Variants in PWWP3A observed in about 807,000 individuals in gnomAD.
The protein encoded by PWWP3A is PWWP domain containing 3A, DNA repair factor, also known as PWWP domain-containing DNA repair factor 3A.
Under a neutral mutation model 79.0 loss-of-function variants are expected in PWWP3A, and 53 were observed. That is an observed-to-expected ratio of 0.67 (90% confidence interval 0.54 to 0.84). The LOEUF is 0.84. Ranked by LOEUF, PWWP3A falls within the 40% of genes least tolerant of loss-of-function variation. PWWP3A has a pLI of 0.00. For synonymous variants in PWWP3A, 443 were observed against 394.4 expected (o/e 1.12, Z -1.46); for missense variants, 973 against 948.0 (o/e 1.03, Z -0.35).
At chr19:1,362,434 A>T in intron 6 of PWWP3A, 83 bp downstream of exon 6, 1 of 1,050,560 alleles carries the variant, frequency 9.5e-7, no homozygotes, top group Admixed American at 2.3e-5. Flanking sequence ...CGGGCCCCAC[A>T]TTCTCCATGA....
At chr19:1,358,266 C>G in intron 3 of PWWP3A, 128 bp from the exon 4 acceptor site, 2 of 819,186 alleles carry the variant, frequency 2.4e-6, no homozygotes, top group East Asian at 2.7e-5. Context: ...TTGGCTGTGA[C>G]TTTTGGTTTA....
rs2526137 is a variant in PWWP3A, at chr19:1,368,844, T to C, written c.1423-421T>C. 8.7e-6 allele frequency among the ~76,000 whole-genome samples: 1 copy of C among 115,364 alleles called. No individual in the cohort carries two copies. The highest frequency in any genetic ancestry group is 1.9e-5 in the Non-Finnish European group (1 of 53,222). 75.7% of individuals were successfully genotyped at this position (115,364 alleles called of 152,430 possible). A position where few individuals can be genotyped will look rare whatever the true frequency, so the allele number is the denominator to read the frequency against. The stretch of plus-strand genomic sequence containing the variant: ...CGATGCGTTCAGACCAGCCCAAGCC[T>C]TCGGGTCCCCGGTGCCCACCTGCGT... On this transcript the variant is annotated intron_variant, in intron 9 of 13. Coordinates refer to ENST00000591337, the MANE Select transcript of PWWP3A (RefSeq NM_001369789.1). The surrounding 1 kb of genome is among the most constrained non-coding windows in gnomAD (Gnocchi z 4.7).
In PWWP3A at chr19:1,360,324, T is replaced by G. The variant is rs1395470723; in HGVS notation, c.403T>G (p.Ser135Ala). The change falls in exon 5 of 14, where the codon TCC (serine) becomes GCC (alanine). Residue 135 changes from serine to alanine, a missense_variant. Physicochemically the swap from Ser to Ala is moderately conservative, Grantham distance 99 (BLOSUM62 1). Coordinates refer to ENST00000591337, the MANE Select transcript of PWWP3A (RefSeq NM_001369789.1). The surrounding 1 kb of genome is among the most constrained non-coding windows in gnomAD (Gnocchi z 4.4). Reference protein sequence around the residue: ...EHVSSPCDSNSSSLPRGDVLG... With the variant: ...EHVSSPCDSNASSLPRGDVLG... ...TGTCTCCTCGCCCTGTGATTCGAAC[T>G]CCTCATCTCTTCCCCGCGGAGACGT... The G allele has an allele frequency of 3.1e-6, 5 of 1,613,914 alleles. No homozygotes were observed. In the East Asian group the frequency reaches 1.1e-4, roughly 36 times the overall value.
At chr19:1,355,402 C>CTA (rs2081828804) in intron 1 of PWWP3A, among the ~76,000 whole-genome samples, 1 of 151,396 alleles carries the variant, frequency 6.6e-6, no homozygotes, top group East Asian at 2.0e-4. Flanking sequence ...GCCTGGACCC[C>CTA]TATCTCCTTC....
At chr19:1,366,826 C>T (rs1469784105) in intron 8 of PWWP3A, among the ~76,000 whole-genome samples, 1 of 152,246 alleles carries the variant, frequency 6.6e-6, no homozygotes, top group Non-Finnish European at 1.5e-5. Flanking sequence ...GCCTTTAGAA[C>T]CATCGCATTG....
chr19:1,372,726 C>T (rs1301551565), intron 12 of PWWP3A: 1 of 193,682 alleles, frequency 5.2e-6, no homozygotes, highest in Non-Finnish European at 1.1e-5. Flanking sequence ...CATTGCGCTC[C>T]AGCCTGGGCG....
intron 13 of PWWP3A, among the ~76,000 whole-genome samples, chr19:1,375,810 ATT>A (rs34880865): frequency 0.19 from 4,259 of 22,248 alleles, 154 homozygotes; most frequent in African/African-American, 0.31. Context: ...GTATTTATTT[ATT>A]TTTTTTTTTT....
intron 1 of PWWP3A, among the ~76,000 whole-genome samples, chr19:1,355,718 C>T (rs943971581): frequency 2.6e-5 from 4 of 151,830 alleles, no homozygotes; most frequent in Admixed American, 2.6e-4. Context: ...CTGGAAACGC[C>T]ACCCCTACCT....
At chr19:1,356,723 G>A (rs1470693764) in intron 2 of PWWP3A, among the ~76,000 whole-genome samples, 1 of 151,446 alleles carries the variant, frequency 6.6e-6, no homozygotes, top group East Asian at 1.9e-4. Flanking sequence ...GATCTGGCAA[G>A]CAGCCCTGTG....
chr19:1,362,315 G>C lies in PWWP3A; in HGVS notation c.1177G>C (p.Glu393Gln). 6.2e-7 allele frequency: 1 copy of C among 1,614,132 alleles called. No homozygotes were observed. The highest frequency in any genetic ancestry group is 8.5e-7 in the Non-Finnish European group (1 of 1,180,020). ...SMRSILEEDE[E>Q]DEEPPRVLLY... ...GCGTTCTATCCTGGAGGAAGACGAG[G>C]AAGACGAGGAGCCACCAAGAGTCCT... The change falls in exon 6 of 14, where the codon GAA (glutamate) becomes CAA (glutamine). Residue 393 changes from glutamate (E) to glutamine (Q), a missense_variant. Physicochemically the swap from Glu to Gln is conservative, Grantham distance 29. Transcript: ENST00000591337.
Position 1,369,272 on chromosome 19 carries a change from C to G in PWWP3A, c.1430C>G (p.Ala477Gly). 1 of 1,614,068 alleles carries G rather than the reference C, an allele frequency of 6.2e-7. No homozygotes were observed. The highest frequency in any genetic ancestry group is 8.5e-7 in the Non-Finnish European group (1 of 1,179,978). ...GCCCGGATCTCATTGTAGAATCAAG[C>G]CAGGGAGGACTTCAACCAGGACATC... ...CKEKQTLLNQ[A>G]REDFNQDIGW... Residue 477 changes from alanine to glycine, a missense_variant, in exon 10 of 14, where the codon GCC (alanine) becomes GGC (glycine). Physicochemically the swap from Ala to Gly is moderately conservative, Grantham distance 60 (BLOSUM62 0). Coordinates refer to ENST00000591337, the MANE Select transcript of PWWP3A (RefSeq NM_001369789.1). The surrounding 1 kb of genome is among the most constrained non-coding windows in gnomAD (Gnocchi z 4.0).
In PWWP3A at chr19:1,378,295, GAC is replaced by G. The variant is rs1365528366; in HGVS notation, c.*1723_*1724del. 3.3e-5 allele frequency: 5 copies of G among 152,326 alleles called. No homozygotes were observed. The highest frequency in any genetic ancestry group is 7.3e-5 in the Non-Finnish European group (5 of 68,110). 9.4% of individuals were successfully genotyped at this position (152,326 alleles called of 1,614,324 possible). On this transcript the variant is annotated 3_prime_UTR_variant, in exon 14 of 14. Coordinates refer to ENST00000591337, the MANE Select transcript of PWWP3A (RefSeq NM_001369789.1). The stretch of plus-strand genomic sequence containing the variant: ...CTCCATTGTGGGTTCCTGAGAGTAG[GAC>G]ACATTGCCATGGTTTTGTGGGAATC...
chr19:1,375,827 A>G (rs560511653), intron 13 of PWWP3A, among the ~76,000 whole-genome samples: 1 of 140,964 alleles, frequency 7.1e-6, no homozygotes, highest in Non-Finnish European at 1.5e-5. Context: ...TTTTTTTGAG[A>G]CAGAGTCTTG....
In PWWP3A at chr19:1,360,848, A is replaced by G. The variant is rs771425816; in HGVS notation, c.927A>G (p.Gln309=). 5.2e-6 allele frequency: 8 copies of G among 1,550,952 alleles called. No homozygotes were observed. In the Admixed American group the frequency reaches 1.4e-4, roughly 28 times the overall value. The change falls in exon 5 of 14, where the codon CAA becomes CAG. Residue 309 remains glutamine (Q), a synonymous_variant. Coordinates refer to ENST00000591337, the MANE Select transcript of PWWP3A (RefSeq NM_001369789.1). This position sits in a 1 kb window ranked among gnomAD's most constrained non-coding sequence, Gnocchi z 4.4. ...AGAGGCCGCGCCTGGATGGCAGCCA[A>G]AGGCCGCCTGCCGTGCAGCTGGAGC... ...AKKRPRLDGS[Q]RPPAVQLEPM...
At chr19:1,364,086 C>T (rs2144724076) in intron 6 of PWWP3A, 6 of 509,304 alleles carry the variant, frequency 1.2e-5, no homozygotes, top group East Asian at 1.1e-4. Flanking sequence ...GAATCTCAGT[C>T]CTTGTGTTTG....
rs542706633 is a variant in PWWP3A at position 1,358,397 on chromosome 19, T to C, written c.147T>C (p.Ile49=). ...AACGTCGATTTTGTCTCTGCAGAAT[T>C]AAGGTGAAAAGCACTGAAGTTGAGA... ...AVQILSLEEK[I]KVKSTEVEIL... The change falls in exon 4 of 14, where the codon ATT becomes ATC. Residue 49 remains isoleucine (I), a synonymous_variant. Transcript: ENST00000591337. The C allele has an allele frequency of 6.2e-7, 1 of 1,613,964 alleles. No individual in the cohort carries two copies. Among genetic ancestry groups the C allele is most frequent in the South Asian group, 1.1e-5 (1 of 91,016 alleles).
rs1393946060 is a variant in PWWP3A at position 1,376,292 on chromosome 19, TTTG to T, written c.2076-224_2076-222del. Among the ~76,000 whole-genome samples, 4 of 78,020 alleles carry T rather than the reference TTTG, an allele frequency of 5.1e-5. 1 individual carries two copies. The highest frequency in any genetic ancestry group is 2.9e-4 in the African/African-American group (4 of 13,962). 51.2% of individuals were successfully genotyped at this position (78,020 alleles called of 152,430 possible). A position where few individuals can be genotyped will look rare whatever the true frequency, so the allele number is the denominator to read the frequency against. On this transcript the variant is annotated intron_variant, in intron 13 of 13. Transcript: ENST00000591337. ...AGACATGCGCCACCACGCCCGGCTG[TTTG>T]TTTTTTTTTTTGTTTGTTTTTTTTT...
At chr19:1,375,726 A>G (rs1359980966) in intron 13 of PWWP3A, among the ~76,000 whole-genome samples, 1 of 141,938 alleles carries the variant, frequency 7.0e-6, no homozygotes, top group Non-Finnish European at 1.5e-5. Context: ...TAAAGTATGT[A>G]TACTTTATAT....
intron 9 of PWWP3A, among the ~76,000 whole-genome samples, chr19:1,367,448 T>C (rs1258700337): frequency 6.6e-6 from 1 of 152,216 alleles, no homozygotes; most frequent in Non-Finnish European, 1.5e-5. Flanking sequence ...ATTTCCCCGC[T>C]TTACGGGTAA....
Sources: allele counts gnomAD v4.1 joint callset (sites outside exome capture counted in the v4.1 genomes callset), GRCh38; gene constraint gnomAD v4.1.1; non-coding constraint Gnocchi (gnomAD v3.1); transcripts MANE v1.5; gene names NCBI Gene and HGNC (gene_info 2026-07-23, HGNC 2026-07-21).